CCM2: variants seen among roughly 807,000 people sequenced by gnomAD.
The protein encoded by CCM2 is CCM2 scaffold protein.
In CCM2, 25 loss-of-function variants were observed where a neutral mutation model predicts 44.9. The observed-to-expected ratio is 0.56, with a 90% CI of 0.41 to 0.78. CCM2 has a LOEUF of 0.78. Among genes scored for constraint, CCM2 ranks in the 30% least tolerant of loss-of-function variants. The pLI, the probability that CCM2 is intolerant of heterozygous loss-of-function variation, is 0.00. For synonymous variants in CCM2, 219 were observed against 241.1 expected, an observed-to-expected ratio of 0.91 and a Z score of 0.85; for missense variants, 481 against 580.6, an observed-to-expected ratio of 0.83 and a Z score of 1.76.
At chr7:45,011,799 G>A (rs1796077127) in intron 1 of CCM2, among the ~76,000 whole-genome samples, 1 of 152,202 alleles carries the variant, frequency 6.6e-6, no homozygotes, top group African/African-American at 2.4e-5. Context: ...TGATCTGCCT[G>A]CCTTGGCCTC....
intron 1 of CCM2, among the ~76,000 whole-genome samples, chr7:45,008,750 C>T (rs935666346): frequency 1.3e-5 from 2 of 152,092 alleles, no homozygotes; most frequent in South Asian, 4.1e-4. Context: ...TCTGAAAATG[C>T]CCTAGATATG....
intron 1 of CCM2, among the ~76,000 whole-genome samples, chr7:45,004,763 T>G (rs1468684256): frequency 6.6e-6 from 1 of 152,112 alleles, no homozygotes; most frequent in Non-Finnish European, 1.5e-5. Flanking sequence ...ATCCCAGCAC[T>G]TTGGGAGGCT....
chr7:45,073,615 G>A, intron 8 of CCM2, 44 bp downstream of exon 8: 1 of 1,429,260 alleles, frequency 7.0e-7, no homozygotes, highest in Non-Finnish European at 9.7e-7. Flanking sequence ...GAGGGAGGGG[G>A]TGCCCCAGGG....
At chr7:45,018,081 A>G (rs575579365) in intron 1 of CCM2, among the ~76,000 whole-genome samples, 1 of 152,208 alleles carries the variant, frequency 6.6e-6, no homozygotes, top group Non-Finnish European at 1.5e-5. Flanking sequence ...TCAGATCATC[A>G]GGCATTAGAT....
intron 2 of CCM2, among the ~76,000 whole-genome samples, chr7:45,042,275 A>AAAAAAAAAAG (rs10684929): frequency 2.0e-5 from 3 of 150,796 alleles, no homozygotes; most frequent in East Asian, 2.0e-4. Context: ...CAAAAAAAAA[A>AAAAAAAAAAG]GGTGCCGTTC....
At chr7:45,067,304 G>A (rs1798830047) in intron 4 of CCM2, among the ~76,000 whole-genome samples, 1 of 151,590 alleles carries the variant, frequency 6.6e-6, no homozygotes, top group African/African-American at 2.4e-5. Flanking sequence ...GGGATTACAG[G>A]CATGAGCCAC....
Position 45,000,282 on chromosome 7 carries a change from G to GGCGGGGCTC in CCM2, c.-51_-43dup. 8.4e-7 allele frequency: 1 copy of GGCGGGGCTC among 1,185,450 alleles called. No homozygotes were observed. Among genetic ancestry groups the GGCGGGGCTC allele is most frequent in the Non-Finnish European group, 1.1e-6 (1 of 948,862 alleles). 73.4% of individuals were successfully genotyped at this position (1,185,450 alleles called of 1,614,324 possible). ...GGTCGAGCATGTAGCGGCTGCTGGC[G>GGCGGGGCTC]GCGGGGCTCCCGGGGCGGGCCGGGC... is the stretch of plus-strand genomic sequence containing the variant. On this transcript the variant is annotated 5_prime_UTR_variant, in exon 1 of 10. Coordinates refer to ENST00000258781, the MANE Select transcript of CCM2 (RefSeq NM_031443.4).
rs771086402 is a variant in CCM2, at chr7:45,068,199, C to T, written c.473-244C>T. On this transcript the variant is annotated intron_variant, in intron 4 of 9. Transcript: ENST00000258781. ...TGGTCTGTTGTATATGAACTTGAAGCGTGTGAAACTGCAGGATGACATGCA... is the reference window on the plus strand; with the variant it reads ...TGGTCTGTTGTATATGAACTTGAAGTGTGTGAAACTGCAGGATGACATGCA... 6.0e-5 allele frequency: 35 copies of T among 582,352 alleles called. 1 individual carries two copies. In the Middle Eastern group the frequency reaches 1.4e-3, roughly 23 times the overall value. 36.1% of individuals were successfully genotyped at this position (582,352 alleles called of 1,614,324 possible).
Position 45,000,304 on chromosome 7 carries a change from G to C in CCM2, c.-30G>C. On this transcript the variant is annotated 5_prime_UTR_variant, in exon 1 of 10. Transcript: ENST00000258781. ...GGCGGCGGGGCTCCCGGGGCGGGCCGGGCGGGCCGCGGGAGCCGCACGCGG... is the reference window on the plus strand; with the variant it reads ...GGCGGCGGGGCTCCCGGGGCGGGCCCGGCGGGCCGCGGGAGCCGCACGCGG... 1 of 1,247,892 alleles carries C rather than the reference G, an allele frequency of 8.0e-7. No individual in the cohort carries two copies. 77.3% of individuals were successfully genotyped at this position (1,247,892 alleles called of 1,614,324 possible).
At chr7:45,062,182 C>T (rs1316227890) in intron 2 of CCM2, among the ~76,000 whole-genome samples, 1 of 152,120 alleles carries the variant, frequency 6.6e-6, no homozygotes. Flanking sequence ...GACTTCTGAG[C>T]CTTTACAAGC....
intron 1 of CCM2, among the ~76,000 whole-genome samples, chr7:45,008,584 A>C (rs942111446): frequency 6.8e-6 from 1 of 147,196 alleles, no homozygotes; most frequent in African/African-American, 2.5e-5. Flanking sequence ...CTGGTCTCAA[A>C]CTCCCAACCT....
At position 45,042,938 on chromosome 7, in the gene CCM2, C is replaced by T. The variant is rs115329056; in HGVS notation, c.204+4512C>T. ...GGAGGGAACTCTTCTGTTCTCTCTTCTCTTCTCTGCTTTCTCTTCTCTTCT... is the reference window on the plus strand; with the variant it reads ...GGAGGGAACTCTTCTGTTCTCTCTTTTCTTCTCTGCTTTCTCTTCTCTTCT... On this transcript the variant is annotated intron_variant, in intron 2 of 9. Coordinates refer to ENST00000258781, the MANE Select transcript of CCM2 (RefSeq NM_031443.4). Among the ~76,000 whole-genome samples, 1,286 of 150,506 alleles carry T rather than the reference C, an allele frequency of 8.5e-3. 23 individuals are homozygous for T. Among genetic ancestry groups the T allele is most frequent in the African/African-American group, 0.03 (1,233 of 40,824 alleles).
At chr7:45,029,411 T>C (rs1333900996) in intron 1 of CCM2, 1 of 152,222 alleles carries the variant, frequency 6.6e-6, no homozygotes, top group African/African-American at 2.4e-5. Context: ...CTGCTCAGTG[T>C]GACTAAGTGT....
Position 45,021,338 on chromosome 7 carries a change from G to A in CCM2, c.31-16915G>A, listed in dbSNP as rs541352789. ...AGCACTTTGGGAGGCCGAGGCGGGC[G>A]GATCACCTGAGGTCAGGAGTTCAAG... is the stretch of plus-strand genomic sequence containing the variant. On this transcript the variant is annotated intron_variant, in intron 1 of 9. Coordinates refer to ENST00000258781, the MANE Select transcript of CCM2 (RefSeq NM_031443.4). Among the ~76,000 whole-genome samples, 27 of 152,070 alleles carry A rather than the reference G, an allele frequency of 1.8e-4. No individual in the cohort carries two copies. In the South Asian group the frequency reaches 2.5e-3, roughly 14 times the overall value.
intron 1 of CCM2, among the ~76,000 whole-genome samples, chr7:45,015,683 G>A (rs995955749): frequency 1.3e-5 from 2 of 152,212 alleles, no homozygotes; most frequent in African/African-American, 4.8e-5. Flanking sequence ...CCTATGGCAT[G>A]TGTGCCAGTC....
At chr7:45,014,994 G>T (rs1796209999) in intron 1 of CCM2, among the ~76,000 whole-genome samples, 1 of 152,080 alleles carries the variant, frequency 6.6e-6, no homozygotes, top group Admixed American at 6.5e-5. Context: ...GCATCTTTTT[G>T]ACAAGCCCTT....
chr7:45,016,665 C>T (rs1230516718), intron 1 of CCM2, among the ~76,000 whole-genome samples: 3 of 120,578 alleles, frequency 2.5e-5, no homozygotes, highest in Non-Finnish European at 5.2e-5. Flanking sequence ...TGGAGTCTTG[C>T]TCTGTTGCCC....
intron 2 of CCM2, among the ~76,000 whole-genome samples, chr7:45,058,607 A>G (rs1475103259): frequency 2.0e-5 from 3 of 151,684 alleles, no homozygotes; most frequent in African/African-American, 7.3e-5. Context: ...GTTGAGAATG[A>G]TGGTTTCCAG....
Position 45,030,779 on chromosome 7 carries a change from A to G in CCM2, c.31-7474A>G, listed in dbSNP as rs1262913957. ...CACTCTGTCACCCAGGCTGGAGTGC[A>G]GTGGCGTGATCTTGGCTTACTGCAA... On this transcript the variant is annotated intron_variant, in intron 1 of 9. Coordinates refer to ENST00000258781, the MANE Select transcript of CCM2 (RefSeq NM_031443.4). Among the ~76,000 whole-genome samples the G allele has an allele frequency of 5.3e-5, 8 of 152,170 alleles. No homozygotes were observed. In the East Asian group the frequency reaches 1.4e-3, roughly 26 times the overall value.
Sources: gnomAD v4.1 joint callset for allele counts (sites outside exome capture counted in the v4.1 genomes callset) on GRCh38, gnomAD v4.1.1 for gene constraint, MANE v1.5 for transcripts, NCBI Gene and HGNC (gene_info 2026-07-23, HGNC 2026-07-21) for gene names.